Variants in RNF150 observed in about 807,000 individuals in gnomAD.
The protein encoded by RNF150 is ring finger protein 150.
RNF150 carries 24 observed loss-of-function variants against 39.3 expected under a neutral mutation model. The ratio of observed to expected loss-of-function variants is 0.61; its 90% confidence interval spans 0.44 to 0.86. The LOEUF is 0.86. RNF150 is among the 40% of genes least tolerant of loss of function. RNF150 has a pLI of 0.00. For synonymous variants in RNF150, 255 were observed against 227.3 expected (o/e 1.12, Z -1.10); for missense variants, 502 against 587.8 (o/e 0.85, Z 1.51).
At chr4:140,966,258 T>A (rs1464017675) in intron 2 of RNF150, among the ~76,000 whole-genome samples, 1 of 152,056 alleles carries the variant, frequency 6.6e-6, no homozygotes, top group Non-Finnish European at 1.5e-5. Context: ...GAGAATCTCT[T>A]GAACCCAGGA....
At position 140,983,754 on chromosome 4, in the gene RNF150, T is replaced by G. The variant is rs538829962; in HGVS notation, c.485-15881A>C. Among the ~76,000 whole-genome samples, 87 of 151,740 alleles carry G rather than the reference T, an allele frequency of 5.7e-4. No homozygotes were observed. The Middle Eastern group carries it at 0.02, about 36-fold the overall frequency. ...GTATAACTGCCTTTTTTTTTTTTTT[T>G]TTTGAGACAGATTCTCACTCTGTTG... On this transcript the variant is annotated intron_variant, in intron 1 of 6. Transcript: ENST00000515673.
chr4:141,081,683 A>G (rs1408145335), intron 1 of RNF150, among the ~76,000 whole-genome samples: 2 of 152,246 alleles, frequency 1.3e-5, no homozygotes, highest in Non-Finnish European at 1.5e-5. Context: ...TAATTGAACT[A>G]TTCTTTAATG....
intron 1 of RNF150, among the ~76,000 whole-genome samples, chr4:141,065,848 A>C (rs1437753617): frequency 6.6e-6 from 1 of 152,042 alleles, no homozygotes; most frequent in East Asian, 1.9e-4. Flanking sequence ...TGGAAGGTTC[A>C]TATGATCCCC....
At chr4:140,925,936 A>G (rs1731383489) in intron 5 of RNF150, 41 bp downstream of exon 5, 1 of 1,407,822 alleles carries the variant, frequency 7.1e-7, no homozygotes. Context: ...GGCAACGCAG[A>G]AAGACAGACA....
chr4:141,004,680 G>T (rs1324739008), intron 1 of RNF150, among the ~76,000 whole-genome samples: 1 of 152,068 alleles, frequency 6.6e-6, no homozygotes. Context: ...TACATATTTT[G>T]TAACTAAAAA....
At chr4:141,058,996 G>A (rs1475813840) in intron 1 of RNF150, among the ~76,000 whole-genome samples, 5 of 152,150 alleles carry the variant, frequency 3.3e-5, no homozygotes, top group African/African-American at 1.2e-4. Flanking sequence ...AGACAACAGA[G>A]GAAGATCATT....
chr4:141,161,672 G>A (rs1727514918), intron 1 of RNF150, among the ~76,000 whole-genome samples: 1 of 152,204 alleles, frequency 6.6e-6, no homozygotes, highest in South Asian at 2.1e-4. Flanking sequence ...ACCAGGCCCA[G>A]GGCCCCAGTG....
At chr4:141,006,227 T>C (rs1734865871) in intron 1 of RNF150, among the ~76,000 whole-genome samples, 1 of 41,660 alleles carries the variant, frequency 2.4e-5, no homozygotes, top group African/African-American at 4.3e-5. Context: ...TATACACATA[T>C]ATATGTGTAT....
intron 4 of RNF150, among the ~76,000 whole-genome samples, chr4:140,927,931 G>A (rs1731462636): frequency 6.6e-6 from 1 of 151,928 alleles, no homozygotes; most frequent in African/African-American, 2.4e-5. Flanking sequence ...TTACAGGCAT[G>A]AGCCACTGGG....
chr4:141,157,180 T>C (rs759531554), intron 1 of RNF150, among the ~76,000 whole-genome samples: 2 of 152,100 alleles, frequency 1.3e-5, no homozygotes, highest in African/African-American at 2.4e-5. Flanking sequence ...TGGTCATAGA[T>C]AGCTGCAGGA....
intron 1 of RNF150, among the ~76,000 whole-genome samples, chr4:141,000,087 GAGA>G (rs138129349): frequency 2.1e-3 from 76 of 35,866 alleles, no homozygotes; most frequent in African/African-American, 7.9e-3. Flanking sequence ...GAAGAAGAAG[GAGA>G]AGAAGAAGAA....
chr4:140,938,614 T>A (rs889071907), intron 4 of RNF150, among the ~76,000 whole-genome samples: 12 of 152,162 alleles, frequency 7.9e-5, no homozygotes, highest in African/African-American at 2.9e-4. Flanking sequence ...ACATTTTTGG[T>A]GTGGGCACTG....
intron 1 of RNF150, among the ~76,000 whole-genome samples, chr4:141,093,396 T>C (rs1051678884): frequency 1.4e-5 from 2 of 146,104 alleles, no homozygotes; most frequent in African/African-American, 5.0e-5. Flanking sequence ...GAAAGGGAAC[T>C]GGTGTGAAGC....
intron 1 of RNF150, among the ~76,000 whole-genome samples, chr4:140,969,388 G>C (rs1006237937): frequency 2.6e-5 from 4 of 152,062 alleles, no homozygotes; most frequent in Non-Finnish European, 5.9e-5. Context: ...GTGGTGGCTC[G>C]ATTTTCAACT....
intron 1 of RNF150, among the ~76,000 whole-genome samples, chr4:141,004,229 T>TAAA (rs11413709): frequency 6.9e-5 from 9 of 129,586 alleles, no homozygotes; most frequent in South Asian, 2.6e-4. Context: ...CAGATGTTAG[T>TAAA]AAAAAAAAAA....
At chr4:141,117,370 T>C (rs1484121430) in intron 1 of RNF150, among the ~76,000 whole-genome samples, 2 of 152,208 alleles carry the variant, frequency 1.3e-5, no homozygotes, top group Admixed American at 6.5e-5. Flanking sequence ...ATTTTTACTA[T>C]AATTCTTCTA....
At chr4:140,991,154 G>T (rs1342500038) in intron 1 of RNF150, among the ~76,000 whole-genome samples, 2 of 152,094 alleles carry the variant, frequency 1.3e-5, no homozygotes, top group Admixed American at 1.3e-4. Context: ...CTTTTGAGAA[G>T]TATCTGTTCA....
Position 141,132,521 on chromosome 4 carries a change from G to T in RNF150, c.288C>A (p.Ala96=). ...TGGGGTCGCAGGCCAGGCGGTCGTG[G>T]GCCGAGCTGGCCATGACCACCTCCC... ...ARGEVVMASS[A]HDRLACDPNT... The change falls in exon 1 of 7, where the codon GCC becomes GCA. Residue 96 remains alanine (A), a synonymous_variant. Coordinates refer to ENST00000515673, the MANE Select transcript of RNF150 (RefSeq NM_020724.2). This position sits in a 1 kb window ranked among gnomAD's most constrained non-coding sequence, Gnocchi z 4.9. The T allele has an allele frequency of 1.9e-6, 3 of 1,601,130 alleles. No homozygotes were observed. The highest frequency in any genetic ancestry group is 2.6e-6 in the Non-Finnish European group (3 of 1,174,922).
At chr4:141,066,365 G>A (rs1737461533) in intron 1 of RNF150, among the ~76,000 whole-genome samples, 1 of 152,224 alleles carries the variant, frequency 6.6e-6, no homozygotes, top group Admixed American at 6.5e-5. Context: ...TGTTTCAACA[G>A]GGATGGTGTC....
Sources: allele counts gnomAD v4.1 joint callset (sites outside exome capture counted in the v4.1 genomes callset), GRCh38; gene constraint gnomAD v4.1.1; non-coding constraint Gnocchi (gnomAD v3.1); transcripts MANE v1.5; gene names NCBI Gene and HGNC (gene_info 2026-07-23, HGNC 2026-07-21).